DMRT1: variants seen among roughly 807,000 people sequenced by gnomAD.
The protein encoded by DMRT1 is doublesex and mab-3 related transcription factor 1, also known as doublesex- and mab-3-related transcription factor 1.
Under a neutral mutation model 32.3 loss-of-function variants are expected in DMRT1, and 7 were observed. The observed-to-expected ratio is 0.22, with a 90% CI of 0.12 to 0.41. DMRT1 has a LOEUF of 0.41. Among genes scored for constraint, DMRT1 ranks in the 10% least tolerant of loss-of-function variants. The pLI, the probability that DMRT1 is intolerant of heterozygous loss-of-function variation, is 1.00. For synonymous variants in DMRT1, 278 were observed against 206.1 expected (o/e 1.35, Z -2.99); for missense variants, 625 against 500.5 (o/e 1.25, Z -2.37).
intron 3 of DMRT1, among the ~76,000 whole-genome samples, chr9:911,534 C>T (rs1387480335): frequency 8.2e-6 from 1 of 122,420 alleles, no homozygotes; most frequent in African/African-American, 2.9e-5. Flanking sequence ...ACTCTGTCGC[C>T]CAGGCTGGAG....
At chr9:913,015 G>A (rs1007325217) in intron 3 of DMRT1, among the ~76,000 whole-genome samples, 1 of 152,080 alleles carries the variant, frequency 6.6e-6, no homozygotes, top group African/African-American at 2.4e-5. Context: ...AGACTGTATG[G>A]CTTGCCTAAA....
At chr9:922,538 T>C (rs114518133) in intron 4 of DMRT1, among the ~76,000 whole-genome samples, 2,027 of 152,350 alleles carry the variant, frequency 0.013, 39 homozygotes, top group African/African-American at 0.046. Context: ...CATCGTTCTC[T>C]GCATGTTGAA....
intron 4 of DMRT1, among the ~76,000 whole-genome samples, chr9:921,755 C>G (rs1818361804): frequency 6.6e-6 from 1 of 152,202 alleles, no homozygotes; most frequent in Non-Finnish European, 1.5e-5. Flanking sequence ...GTGCCACCCA[C>G]CTGTAGTTCT....
intron 4 of DMRT1, among the ~76,000 whole-genome samples, chr9:922,318 G>T (rs1818380760): frequency 6.6e-6 from 1 of 152,152 alleles, no homozygotes; most frequent in South Asian, 2.1e-4. Context: ...AAGATCACTT[G>T]TCTAGTGCCC....
At chr9:844,284 C>T (rs2132536805) in intron 1 of DMRT1, among the ~76,000 whole-genome samples, 2 of 152,282 alleles carry the variant, frequency 1.3e-5, no homozygotes, top group Middle Eastern at 6.8e-3. Flanking sequence ...TACTTCTAGT[C>T]ATTTTTAAAT....
chr9:948,828 G>C (rs1051364662), intron 4 of DMRT1, among the ~76,000 whole-genome samples: 1 of 151,644 alleles, frequency 6.6e-6, no homozygotes, highest in Admixed American at 6.6e-5. Flanking sequence ...GGCCAAAGTG[G>C]ATGGATCACT....
intron 2 of DMRT1, among the ~76,000 whole-genome samples, chr9:884,685 A>G (rs1816856664): frequency 6.6e-6 from 1 of 152,152 alleles, no homozygotes; most frequent in Admixed American, 6.5e-5. Flanking sequence ...CACTTAAAAC[A>G]TCTGGCCAGG....
chr9:951,611 C>T (rs1182411117), intron 4 of DMRT1, among the ~76,000 whole-genome samples: 1 of 152,108 alleles, frequency 6.6e-6, no homozygotes, highest in Non-Finnish European at 1.5e-5. Flanking sequence ...CTTGCATGTA[C>T]CTCTTGGGTA....
intron 2 of DMRT1, among the ~76,000 whole-genome samples, chr9:860,331 T>TA (rs756454568): frequency 4.3e-4 from 65 of 152,198 alleles, no homozygotes; most frequent in Non-Finnish European, 6.3e-4. Context: ...TAAAATAAAA[T>TA]ACACAAAATA....
intron 3 of DMRT1, among the ~76,000 whole-genome samples, chr9:910,319 TAA>T (rs145633265): frequency 2.1e-5 from 3 of 142,210 alleles, no homozygotes; most frequent in Non-Finnish European, 1.5e-5. Flanking sequence ...ACTTAGAAAT[TAA>T]AAAAAAAAAA....
At chr9:886,513 C>T (rs1293480343) in intron 2 of DMRT1, among the ~76,000 whole-genome samples, 1 of 152,062 alleles carries the variant, frequency 6.6e-6, no homozygotes, top group Non-Finnish European at 1.5e-5. Flanking sequence ...GCCGCAGCCT[C>T]CCAAAGTGTT....
At chr9:925,451 AC>A (rs1395165321) in intron 4 of DMRT1, among the ~76,000 whole-genome samples, 1 of 151,968 alleles carries the variant, frequency 6.6e-6, no homozygotes, top group Admixed American at 6.5e-5. Context: ...TTGATTAAGA[AC>A]GCAGCCCTGC....
chr9:868,318 T>C (rs1325836427), intron 2 of DMRT1, among the ~76,000 whole-genome samples: 1 of 152,224 alleles, frequency 6.6e-6, no homozygotes, highest in African/African-American at 2.4e-5. Context: ...ATCCTGGATC[T>C]TACAGGGGAT....
At chr9:889,389 T>G (rs1429344372) in intron 2 of DMRT1, among the ~76,000 whole-genome samples, 1 of 152,226 alleles carries the variant, frequency 6.6e-6, no homozygotes, top group Non-Finnish European at 1.5e-5. Context: ...GTTTTATTAT[T>G]TAAATATTGG....
At chr9:899,205 C>T (rs1817481429) in intron 3 of DMRT1, among the ~76,000 whole-genome samples, 1 of 150,914 alleles carries the variant, frequency 6.6e-6, no homozygotes, top group Admixed American at 6.6e-5. Flanking sequence ...AACAAGAAAA[C>T]AATTTGTATT....
At chr9:909,073 C>T (rs1490207236) in intron 3 of DMRT1, among the ~76,000 whole-genome samples, 1 of 152,116 alleles carries the variant, frequency 6.6e-6, no homozygotes, top group Non-Finnish European at 1.5e-5. Context: ...TCTTTCCTCC[C>T]TCTAGGAGGG....
chr9:967,858 G>T, intron 4 of DMRT1, 127 bp from the exon 5 acceptor site: 1 of 906,350 alleles, frequency 1.1e-6, no homozygotes, highest in Non-Finnish European at 1.7e-6. Flanking sequence ...TTTCAACTCA[G>T]AATAGAAATG....
intron 4 of DMRT1, among the ~76,000 whole-genome samples, chr9:930,669 A>G (rs1220071351): frequency 6.6e-6 from 1 of 151,938 alleles, no homozygotes; most frequent in Non-Finnish European, 1.5e-5. Context: ...CAGCTTCCCA[A>G]AGTGCTGGGA....
chr9:919,269 A>G (rs1184354028), intron 4 of DMRT1, among the ~76,000 whole-genome samples: 1 of 152,200 alleles, frequency 6.6e-6, no homozygotes, highest in Admixed American at 6.5e-5. Context: ...ATTTAAGTAT[A>G]AATTTGCCCA....
Sources: allele counts gnomAD v4.1 joint callset (sites outside exome capture counted in the v4.1 genomes callset), GRCh38; gene constraint gnomAD v4.1.1; transcripts MANE v1.5; gene names NCBI Gene and HGNC (gene_info 2026-07-23, HGNC 2026-07-21).